Variants in UBE2J1 observed in about 807,000 individuals in gnomAD.
UBE2J1 encodes ubiquitin conjugating enzyme E2 J1.
Under a neutral mutation model 42.1 loss-of-function variants are expected in UBE2J1, and 17 were observed. The ratio of observed to expected loss-of-function variants is 0.40; its 90% CI spans 0.28 to 0.61. UBE2J1 has a LOEUF of 0.61. UBE2J1 is among the 20% of genes least tolerant of loss of function. The pLI, the probability that UBE2J1 is intolerant of heterozygous loss-of-function variation, is 0.38. For synonymous variants in UBE2J1, 127 were observed against 137.2 expected (o/e 0.93, Z 0.52); for missense variants, 291 against 389.4 (o/e 0.75, Z 2.13).
chr6:89,332,743 C>T (rs1768033741), intron 7 of UBE2J1, among the ~76,000 whole-genome samples: 1 of 152,190 alleles, frequency 6.6e-6, no homozygotes, highest in Admixed American at 6.5e-5. Flanking sequence ...GCTGAACAAT[C>T]CTGCCAAAAA....
At position 89,352,609 on chromosome 6, in the gene UBE2J1, C is replaced by A. The variant is rs1443838645; in HGVS notation, c.-40G>T. Reference sequence around the variant, plus strand: ...TTGGCTCCGGCCTCCCGGGCCGCTGCCACCTCCTCTCCACGCGGCCGCTGC... The same window carrying A: ...TTGGCTCCGGCCTCCCGGGCCGCTGACACCTCCTCTCCACGCGGCCGCTGC... On this transcript the variant is annotated 5_prime_UTR_variant, in exon 1 of 8. Transcript: ENST00000435041. 2 of 1,538,132 alleles carry A rather than the reference C, an allele frequency of 1.3e-6. No homozygotes were observed. Among genetic ancestry groups the A allele is most frequent in the Admixed American group, 1.9e-5 (1 of 53,492 alleles).
At position 89,338,267 on chromosome 6, in the gene UBE2J1, T is replaced by G. The variant is rs1768148240; in HGVS notation, c.366A>C (p.Lys122Asn). 1 of 1,613,788 alleles carries G rather than the reference T, an allele frequency of 6.2e-7. No homozygotes were observed. Among genetic ancestry groups the G allele is most frequent in the South Asian group, 1.1e-5 (1 of 91,066 alleles). ...LLAIIGFMPT[K>N]GEGAIGSLDY... is the part of the protein sequence containing the mutation. ...CTAGAGAACCTATGGCTCCCTCTCC[T>G]TTTGTTGGCATAAACCCAATGATGG... is the stretch of plus-strand genomic sequence containing the variant. The change falls in exon 5 of 8, where the codon AAA becomes AAC. Residue 122 changes from lysine to asparagine, a missense_variant. Physicochemically the swap from Lys to Asn is moderately conservative, Grantham distance 94. Around this residue, in one of 2 missense-constraint regions of UBE2J1, gnomAD observed 115 missense variants for 193.1 expected, o/e 0.60. Coordinates refer to ENST00000435041, the MANE Select transcript of UBE2J1 (RefSeq NM_016021.3).
chr6:89,351,296 G>A (rs929339671), intron 1 of UBE2J1, among the ~76,000 whole-genome samples: 1 of 151,762 alleles, frequency 6.6e-6, no homozygotes, highest in African/African-American at 2.4e-5. Context: ...TGGCCAGGCT[G>A]CTCTCCACCT....
chr6:89,352,540 C>A lies in UBE2J1; in HGVS notation c.30G>T (p.Pro10=). Residue 10 remains proline (P), a splice_region_variant and synonymous_variant, in exon 1 of 8, where the codon CCG becomes CCT. Coordinates refer to ENST00000435041, the MANE Select transcript of UBE2J1 (RefSeq NM_016021.3). METRYNLKS[P]AVKRLMKEAA... ...CCCAGGGGCCCCAGCCCTGCTCACC[C>A]GGACTCTTCAGGTTGTAGCGGGTCT... 1.3e-6 allele frequency: 2 copies of A among 1,571,140 alleles called. No individual in the cohort carries two copies. Among genetic ancestry groups the A allele is most frequent in the South Asian group, 1.1e-5 (1 of 87,388 alleles).
At position 89,331,841 on chromosome 6, in the gene UBE2J1, T is replaced by C. The variant is rs140715102; in HGVS notation, c.678+1245A>G. Among the ~76,000 whole-genome samples the C allele has an allele frequency of 9.6e-3, 1,461 of 152,182 alleles. 20 individuals carry two copies. Among genetic ancestry groups the C allele is most frequent in the African/African-American group, 0.032 (1,341 of 41,462 alleles). On this transcript the variant is annotated intron_variant, in intron 7 of 7. Coordinates refer to ENST00000435041, the MANE Select transcript of UBE2J1 (RefSeq NM_016021.3). ...AATGCTTCTATTAGAAAAAAAACTATGAAATAAAAAGTAATTAGAAAGCTT... is the reference window on the plus strand; with the variant it reads ...AATGCTTCTATTAGAAAAAAAACTACGAAATAAAAAGTAATTAGAAAGCTT...
intron 7 of UBE2J1, 72 bp from the exon 8 acceptor site, chr6:89,330,029 G>T (rs1582477536): frequency 1.4e-6 from 2 of 1,444,058 alleles, no homozygotes; most frequent in Non-Finnish European, 1.9e-6. Context: ...ATCTATTCAA[G>T]AATACACAAT....
intron 6 of UBE2J1, among the ~76,000 whole-genome samples, chr6:89,334,759 C>T (rs951203979): frequency 3.9e-5 from 6 of 152,170 alleles, no homozygotes; most frequent in Admixed American, 2.6e-4. Flanking sequence ...TGAGCCACCG[C>T]GCCCGGCCAT....
Position 89,328,117 on chromosome 6 carries a change from A to G in UBE2J1, c.*1562T>C, listed in dbSNP as rs1767940611. On this transcript the variant is annotated 3_prime_UTR_variant, in exon 8 of 8. Coordinates refer to ENST00000435041, the MANE Select transcript of UBE2J1 (RefSeq NM_016021.3). ...TTAAAGTTTAAGACAATTCTGTATT[A>G]TATAATAGTGTACAATATGTTCTTA... 1.3e-5 allele frequency: 2 copies of G among 152,230 alleles called. No individual in the cohort carries two copies. The allele number at this position is 152,230 out of a possible 1,614,324, so 9.4% of individuals were successfully genotyped here.
chr6:89,329,790 A>G lies in UBE2J1; in HGVS notation c.846T>C (p.Thr282=). 6.2e-7 allele frequency: 1 copy of G among 1,614,140 alleles called. No individual in the cohort carries two copies. Residue 282 remains threonine (T), a synonymous_variant, in exon 8 of 8, where the codon ACT becomes ACC. Transcript: ENST00000435041. ...TCAGTACAGCTGACCCACCATGATC[A>G]GTGTGGTTGTCTCTTGGCTGGTGGC... ...IQGHQPRDNH[T]DHGGSAVLIV...
intron 3 of UBE2J1, among the ~76,000 whole-genome samples, chr6:89,340,204 A>G (rs35432724): frequency 0.017 from 2,582 of 152,288 alleles, 35 homozygotes; most frequent in Non-Finnish European, 0.024. Flanking sequence ...TGAAAGTTGG[A>G]GAAGACTTTT....
At chr6:89,345,570 C>G (rs539967133) in intron 1 of UBE2J1, among the ~76,000 whole-genome samples, 1 of 151,130 alleles carries the variant, frequency 6.6e-6, no homozygotes, top group African/African-American at 2.4e-5. Context: ...CCATTGCACT[C>G]CAGCCTGGGC....
At chr6:89,333,573 A>G (rs1243346083) in intron 6 of UBE2J1, among the ~76,000 whole-genome samples, 1 of 152,230 alleles carries the variant, frequency 6.6e-6, no homozygotes, top group Admixed American at 6.5e-5. Context: ...TAGTGTAAAC[A>G]TTAATCCCAC....
chr6:89,346,274 GATC>G (rs1343795879), intron 1 of UBE2J1, among the ~76,000 whole-genome samples: 1 of 151,972 alleles, frequency 6.6e-6, no homozygotes, highest in African/African-American at 2.4e-5. Context: ...TTGTTCACTG[GATC>G]ATCAACTATT....
intron 5 of UBE2J1, among the ~76,000 whole-genome samples, chr6:89,335,724 T>C (rs1701102322): frequency 6.6e-6 from 1 of 152,216 alleles, no homozygotes; most frequent in Admixed American, 6.5e-5. Context: ...TTGTCTATTA[T>C]ACTGTCCTTG....
intron 7 of UBE2J1, 98 bp downstream of exon 7, chr6:89,332,988 C>A: frequency 8.3e-7 from 1 of 1,210,056 alleles, no homozygotes. Flanking sequence ...GTTAAGAGAA[C>A]CAAATTTTTC....
rs565041610 is a variant in UBE2J1 at position 89,349,438 on chromosome 6, T to C, written c.31+3101A>G. ...CTGGTGACAACAGTGACTGATTAGA[T>C]ATATGTGTTTCTGTGTGTGTATTGA... On this transcript the variant is annotated intron_variant, in intron 1 of 7. Coordinates refer to ENST00000435041, the MANE Select transcript of UBE2J1 (RefSeq NM_016021.3). Among the ~76,000 whole-genome samples the C allele has an allele frequency of 4.4e-4, 67 of 152,232 alleles. 2 individuals are homozygous for C. Among genetic ancestry groups the C allele is most frequent in the Middle Eastern group, 6.8e-3 (2 of 294 alleles).
In UBE2J1 at chr6:89,342,378, C is replaced by A. The variant is rs751699404; in HGVS notation, c.183G>T (p.Arg61=). ...TGGGATACTCTGGTGGCAGTACTAT[C>A]CGCCCGTGATAAACTCCTCCATCAA... ...SDFDGGVYHG[R]IVLPPEYPMK... is the part of the protein sequence containing the mutation. The change falls in exon 3 of 8, where the codon CGG becomes CGT. Residue 61 remains arginine, a synonymous_variant. Transcript: ENST00000435041. 6.2e-6 allele frequency: 10 copies of A among 1,613,864 alleles called. No individual in the cohort carries two copies. The highest frequency in any genetic ancestry group is 8.5e-6 in the Non-Finnish European group (10 of 1,179,940).
At chr6:89,331,960 G>A (rs1251812582) in intron 7 of UBE2J1, among the ~76,000 whole-genome samples, 1 of 152,148 alleles carries the variant, frequency 6.6e-6, no homozygotes, top group Non-Finnish European at 1.5e-5. Context: ...ACACAAAAAT[G>A]ATTTAAACTC....
At chr6:89,336,453 G>A (rs559024808) in intron 5 of UBE2J1, among the ~76,000 whole-genome samples, 328 of 138,792 alleles carry the variant, frequency 2.4e-3, no homozygotes, top group African/African-American at 8.3e-3. Flanking sequence ...ACCACACCCC[G>A]CTAATTTTTA....
Sources: gnomAD v4.1 joint callset for allele counts (sites outside exome capture counted in the v4.1 genomes callset) on GRCh38, gnomAD v4.1.1 for gene constraint, gnomAD v4.1.1 regional missense constraint, MANE v1.5 for transcripts, NCBI Gene and HGNC (gene_info 2026-07-23, HGNC 2026-07-21) for gene names.